Variants in MAPKAP1 observed in about 807,000 individuals in gnomAD.
MAPKAP1 encodes the protein target of rapamycin complex 2 subunit MAPKAP1.
MAPKAP1 carries 20 observed loss-of-function variants against 65.7 expected under a neutral mutation model. The observed-to-expected ratio is 0.30, with a 90% CI of 0.21 to 0.44. MAPKAP1 has a LOEUF of 0.44. Ranked by LOEUF, MAPKAP1 falls within the 20% of genes least tolerant of loss-of-function variation. MAPKAP1 has a pLI of 1.00. For synonymous variants in MAPKAP1, 222 were observed against 244.3 expected (o/e 0.91, Z 0.85); for missense variants, 423 against 648.0 (o/e 0.65, Z 3.77).
chr9:125,543,683 G>A (rs573727126), intron 6 of MAPKAP1, among the ~76,000 whole-genome samples: 10 of 152,292 alleles, frequency 6.6e-5, no homozygotes, highest in African/African-American at 2.2e-4. Context: ...AGTGATAAAC[G>A]ATTCTAGCGT....
intron 5 of MAPKAP1, among the ~76,000 whole-genome samples, chr9:125,571,478 GT>G (rs1243049114): frequency 6.6e-6 from 1 of 152,232 alleles, no homozygotes; most frequent in Non-Finnish European, 1.5e-5. Flanking sequence ...GAGCTGGAAT[GT>G]TCATGAATAT....
At chr9:125,647,853 A>C (rs1266630465) in intron 4 of MAPKAP1, among the ~76,000 whole-genome samples, 1 of 152,128 alleles carries the variant, frequency 6.6e-6, no homozygotes, top group Non-Finnish European at 1.5e-5. Context: ...CACCAGAAAA[A>C]TCAATGGAAA....
intron 4 of MAPKAP1, among the ~76,000 whole-genome samples, chr9:125,603,015 C>G (rs548688181): frequency 1.3e-5 from 2 of 152,170 alleles, no homozygotes; most frequent in South Asian, 2.1e-4. Flanking sequence ...ACATCTCAAC[C>G]TCCCAAGAAG....
chr9:125,655,138 A>G (rs2131746267), intron 4 of MAPKAP1, among the ~76,000 whole-genome samples: 1 of 152,342 alleles, frequency 6.6e-6, no homozygotes, highest in South Asian at 2.1e-4. Flanking sequence ...GTATCAAAAT[A>G]CATAGAAAAC....
At chr9:125,538,171 C>G (rs1410763466) in intron 7 of MAPKAP1, among the ~76,000 whole-genome samples, 1 of 152,114 alleles carries the variant, frequency 6.6e-6, no homozygotes, top group African/African-American at 2.4e-5. Context: ...GAGTTCGGAG[C>G]AGATATGCTC....
chr9:125,512,667 C>T (rs1479202812), intron 7 of MAPKAP1, among the ~76,000 whole-genome samples: 3 of 151,974 alleles, frequency 2.0e-5, no homozygotes, highest in South Asian at 2.1e-4. Context: ...CTGCAAGCTC[C>T]GCCTCCCGGG....
chr9:125,460,797 C>A (rs527869973), intron 10 of MAPKAP1, among the ~76,000 whole-genome samples: 1 of 152,308 alleles, frequency 6.6e-6, no homozygotes, highest in African/African-American at 2.4e-5. Flanking sequence ...GCTCCCATAC[C>A]CCTTTTTGAA....
chr9:125,440,601 G>A (rs372954639), intron 11 of MAPKAP1, among the ~76,000 whole-genome samples: 8 of 152,250 alleles, frequency 5.3e-5, no homozygotes, highest in South Asian at 4.2e-4. Context: ...GGGAGGCAGC[G>A]CGAGATGGCA....
chr9:125,536,347 G>T (rs887755492), intron 7 of MAPKAP1, among the ~76,000 whole-genome samples: 1 of 152,174 alleles, frequency 6.6e-6, no homozygotes, highest in Non-Finnish European at 1.5e-5. Flanking sequence ...TATTGAAGTC[G>T]GAGCTCCTTG....
intron 1 of MAPKAP1, among the ~76,000 whole-genome samples, chr9:125,694,887 G>C (rs1467903676): frequency 1.3e-5 from 2 of 152,136 alleles, no homozygotes; most frequent in African/African-American, 4.8e-5. Flanking sequence ...AAAACATTTA[G>C]CATATTCTTA....
chr9:125,518,306 G>A (rs1829521790), intron 7 of MAPKAP1, among the ~76,000 whole-genome samples: 1 of 151,940 alleles, frequency 6.6e-6, no homozygotes, highest in Non-Finnish European at 1.5e-5. Flanking sequence ...GTTGGGTGCA[G>A]TGGCTCACAT....
Position 125,472,976 on chromosome 9 carries a change from C to T in MAPKAP1, c.1208-4867G>A, listed in dbSNP as rs190184052. On this transcript the variant is annotated intron_variant, in intron 9 of 11. Transcript: ENST00000265960. ...CACTTCAGAATTCAGTATCCTTTCT[C>T]GACTGTTAAAATGTGGGGAAGGATA... is the stretch of plus-strand genomic sequence containing the variant. 2.3e-4 allele frequency among the ~76,000 whole-genome samples: 35 copies of T among 152,106 alleles called. 1 individual carries two copies. The highest frequency in any genetic ancestry group is 3.4e-3 in the Middle Eastern group (1 of 294).
intron 7 of MAPKAP1, among the ~76,000 whole-genome samples, chr9:125,527,122 T>C (rs1829795123): frequency 6.6e-6 from 1 of 151,710 alleles, no homozygotes; most frequent in Non-Finnish European, 1.5e-5. Flanking sequence ...TGGAGTACAG[T>C]GGCGCGATCT....
intron 5 of MAPKAP1, among the ~76,000 whole-genome samples, chr9:125,577,638 A>G (rs1831474175): frequency 1.7e-5 from 1 of 60,320 alleles, no homozygotes; most frequent in African/African-American, 7.1e-5. Context: ...CCGCCCGGCC[A>G]GCCGCCCCGT....
chr9:125,600,161 C>A (rs1298382305), intron 4 of MAPKAP1, among the ~76,000 whole-genome samples: 1 of 149,628 alleles, frequency 6.7e-6, no homozygotes, highest in Admixed American at 6.7e-5. Context: ...AACTAGCAAT[C>A]ATTCATGTTC....
chr9:125,457,707 C>G (rs1467945416), intron 10 of MAPKAP1, among the ~76,000 whole-genome samples: 1 of 152,208 alleles, frequency 6.6e-6, no homozygotes, highest in Non-Finnish European at 1.5e-5. Context: ...AGTCTTTAGT[C>G]TATGGCTAAT....
chr9:125,570,681 G>A (rs1250715501), intron 5 of MAPKAP1, among the ~76,000 whole-genome samples: 1 of 152,174 alleles, frequency 6.6e-6, no homozygotes, highest in Admixed American at 6.5e-5. Flanking sequence ...GTGAAAGATT[G>A]TAAGAAATCA....
At chr9:125,654,371 T>C (rs1833974107) in intron 4 of MAPKAP1, among the ~76,000 whole-genome samples, 1 of 152,242 alleles carries the variant, frequency 6.6e-6, no homozygotes, top group Non-Finnish European at 1.5e-5. Context: ...TTTGCGGATC[T>C]GACCAAAGCA....
intron 5 of MAPKAP1, among the ~76,000 whole-genome samples, chr9:125,561,750 G>C (rs910986269): frequency 6.6e-6 from 1 of 152,172 alleles, no homozygotes; most frequent in Non-Finnish European, 1.5e-5. Context: ...TCGTCCCTCA[G>C]AGATTGTAAA....
Sources: gnomAD v4.1 joint callset for allele counts (sites outside exome capture counted in the v4.1 genomes callset) on GRCh38, gnomAD v4.1.1 for gene constraint, MANE v1.5 for transcripts, NCBI Gene and HGNC (gene_info 2026-07-23, HGNC 2026-07-21) for gene names.